Variants in ERAP2 observed in about 807,000 individuals in gnomAD.
The protein encoded by ERAP2 is leukocyte-derived arginine aminopeptidase.
Under a neutral mutation model 111.1 loss-of-function variants are expected in ERAP2, and 118 were observed. The observed-to-expected ratio is 1.06, with a 90% CI of 0.92 to 1.24. The LOEUF is 1.24. Among genes scored for constraint, ERAP2 ranks in the 50% most tolerant of loss-of-function variants. The probability of loss-of-function intolerance (pLI) is 0.00; values close to 1 mark genes in which losing one functional copy is unlikely to be tolerated. For synonymous variants in ERAP2, 410 were observed against 401.2 expected (o/e 1.02, Z -0.26); for missense variants, 1,131 against 1,125.8 (o/e 1.00, Z -0.07).
chr5:96,895,144 T>C (rs1465096414), intron 6 of ERAP2, 102 bp from the exon 7 acceptor site: 8 of 638,522 alleles, frequency 1.3e-5, no homozygotes, highest in African/African-American at 2.2e-5. Context: ...AGAAGAGAGA[T>C]CCTAACTAAT....
Position 96,895,357 on chromosome 5 carries a change from T to A in ERAP2, c.1237T>A (p.Phe413Ile), listed in dbSNP as rs932930616. 6.3e-7 allele frequency: 1 copy of A among 1,593,994 alleles called. No individual in the cohort carries two copies. Among genetic ancestry groups the A allele is most frequent in the Admixed American group, 1.7e-5 (1 of 59,540 alleles). The change falls in exon 7 of 19, where the codon TTT becomes ATT. Residue 413 changes from phenylalanine (F) to isoleucine (I), a missense_variant and splice_region_variant. Phe to Ile is a conservative substitution (Grantham distance 21, BLOSUM62 0). Transcript: ENST00000437043. The part of the protein sequence containing the change: ...AVNATYPELQ[F>I]DDYFLNVCFE... ...TAATGCTACATATCCAGAGCTGCAATTTGTAAGTTCACAATTCTGTGTATC... is the reference window on the plus strand; with the variant it reads ...TAATGCTACATATCCAGAGCTGCAAATTGTAAGTTCACAATTCTGTGTATC...
chr5:96,893,486 C>T (rs559243537), intron 6 of ERAP2, among the ~76,000 whole-genome samples: 8 of 152,188 alleles, frequency 5.3e-5, no homozygotes, highest in Non-Finnish European at 1.2e-4. Context: ...TCCCCACTGG[C>T]GCATTTTAGG....
In ERAP2 at chr5:96,896,828, G is replaced by A. The variant is rs755352590; in HGVS notation, c.1468G>A (p.Ala490Thr). The change falls in exon 9 of 19, where the codon GCT (alanine) becomes ACT (threonine). Residue 490 changes from alanine to threonine, a missense_variant. Around this residue, in one of 3 missense-constraint regions of ERAP2, gnomAD observed 847 missense variants for 856.5 expected, o/e 0.99. Coordinates refer to ENST00000437043, the MANE Select transcript of ERAP2 (RefSeq NM_022350.5). ...QYLKKFSYRN[A>T]KNDDLWSSLS... ...CTTAAAGAAGTTCAGCTATAGAAATGCTAAGAATGATGACTTGTGGAGCAG... is the reference window on the plus strand; with the variant it reads ...CTTAAAGAAGTTCAGCTATAGAAATACTAAGAATGATGACTTGTGGAGCAG... 3 of 1,238,464 alleles carry A rather than the reference G, an allele frequency of 2.4e-6. No homozygotes were observed. The highest frequency in any genetic ancestry group is 3.1e-6 in the Non-Finnish European group (3 of 968,142). The allele number at this position is 1,238,464 out of a possible 1,614,324, so 76.7% of individuals were successfully genotyped here.
intron 6 of ERAP2, among the ~76,000 whole-genome samples, chr5:96,894,547 T>A (rs182332455): frequency 6.6e-6 from 1 of 152,090 alleles, no homozygotes; most frequent in African/African-American, 2.4e-5. Flanking sequence ...AAATAAAACA[T>A]AAAAGCACAT....
Position 96,896,720 on chromosome 5 carries a change from T to C in ERAP2, c.1372-12T>C. 6.4e-7 allele frequency: 1 copy of C among 1,560,932 alleles called. No individual in the cohort carries two copies. Among genetic ancestry groups the C allele is most frequent in the Non-Finnish European group, 8.6e-7 (1 of 1,162,408 alleles). On this transcript the variant is annotated splice_polypyrimidine_tract_variant and intron_variant, in intron 8 of 18. Transcript: ENST00000437043. ...TTATCTCTTTTTTCAACTCTTTTGTTTTTTTTTAAAGGGAGCTTGTATTTT... is the reference window on the plus strand; with the variant it reads ...TTATCTCTTTTTTCAACTCTTTTGTCTTTTTTTAAAGGGAGCTTGTATTTT...
intron 1 of ERAP2, among the ~76,000 whole-genome samples, chr5:96,879,248 T>G (rs893445800): frequency 6.6e-6 from 1 of 152,148 alleles, no homozygotes; most frequent in Admixed American, 6.6e-5. Context: ...AAACAAAAAT[T>G]TAAAATATAA....
At chr5:96,887,303 CTTT>C (rs34313928) in intron 4 of ERAP2, among the ~76,000 whole-genome samples, 1 of 137,534 alleles carries the variant, frequency 7.3e-6, no homozygotes, top group Non-Finnish European at 1.5e-5. Context: ...TTGTTTCCGA[CTTT>C]TTTTTTTTTT....
At position 96,886,705 on chromosome 5, in the gene ERAP2, T is replaced by C. The variant is rs1783759144; in HGVS notation, c.765T>C (p.Thr255=). Residue 255 remains threonine, a synonymous_variant, in exon 4 of 19, where the codon ACT becomes ACC. Coordinates refer to ENST00000437043, the MANE Select transcript of ERAP2 (RefSeq NM_022350.5). ...GTCTTTTGGAAGATCACTTTGAAAC[T>C]ACTGTAAAAATGAGTACATACCTTG... ...EGGLLEDHFE[T]TVKMSTYLVA... 6.4e-7 allele frequency: 1 copy of C among 1,553,152 alleles called. No homozygotes were observed. The highest frequency in any genetic ancestry group is 1.3e-5 in the African/African-American group (1 of 74,120).
rs776209512 is a variant in ERAP2 at position 96,917,488 on chromosome 5, G to A, written c.2766G>A (p.Glu922=). The change falls in exon 19 of 19, where the codon GAG becomes GAA. Residue 922 remains glutamate, a synonymous_variant. Coordinates refer to ENST00000437043, the MANE Select transcript of ERAP2 (RefSeq NM_022350.5). The part of the protein sequence containing the change: ...QEVKLFFESL[E]AQGSHLDIFQ... ...TGAAACTATTTTTTGAATCTCTTGA[G>A]GCTCAAGGATCACATCTGGATATTT... is the stretch of plus-strand genomic sequence containing the variant. The A allele has an allele frequency of 1.9e-6, 3 of 1,611,232 alleles. No individual in the cohort carries two copies. In the South Asian group the frequency reaches 3.3e-5, roughly 18 times the overall value.
At chr5:96,894,964 C>A (rs1383262317) in intron 6 of ERAP2, among the ~76,000 whole-genome samples, 4 of 151,724 alleles carry the variant, frequency 2.6e-5, no homozygotes, top group Admixed American at 2.6e-4. Flanking sequence ...AATATTAAAT[C>A]TAATAACTAG....
Position 96,917,681 on chromosome 5 carries a change from C to T in ERAP2, c.*76C>T, listed in dbSNP as rs186611333. The T allele has an allele frequency of 4.0e-4, 495 of 1,229,534 alleles. 5 individuals are homozygous for T. The South Asian group carries it at 6.6e-3, about 17-fold the overall frequency. The allele number at this position is 1,229,534 out of a possible 1,614,324, so 76.2% of individuals were successfully genotyped here. On this transcript the variant is annotated 3_prime_UTR_variant, in exon 19 of 19. Coordinates refer to ENST00000437043, the MANE Select transcript of ERAP2 (RefSeq NM_022350.5). ...CAGCACTTTGGGAGGCTGAGAAGGG[C>T]GGATCACGAGGTCAGGAGATGGAGA...
chr5:96,894,906 G>T (rs1247856446), intron 6 of ERAP2, among the ~76,000 whole-genome samples: 1 of 151,944 alleles, frequency 6.6e-6, no homozygotes, highest in East Asian at 1.9e-4. Flanking sequence ...TTCTTATTGG[G>T]CAGGAAAGAA....
chr5:96,884,017 C>T (rs1783446178), intron 3 of ERAP2, 87 bp downstream of exon 3: 4 of 1,292,910 alleles, frequency 3.1e-6, no homozygotes, highest in Non-Finnish European at 4.2e-6. Flanking sequence ...TTCAGGATTT[C>T]AGCCATTAAT....
chr5:96,896,687 C>T (rs184317783), intron 8 of ERAP2, 45 bp from the exon 9 acceptor site: 1 of 1,522,956 alleles, frequency 6.6e-7, no homozygotes, highest in Non-Finnish European at 8.8e-7. Flanking sequence ...ACCATACTAC[C>T]ATTTTCTTTA....
rs1229133455 is a variant in ERAP2, at chr5:96,903,463, G to A, written c.1915G>A (p.Gly639Arg). Residue 639 changes from glycine (G) to arginine (R), a missense_variant, in exon 13 of 19, where the codon GGA (glycine) becomes AGA (arginine). Around this residue, in one of 3 missense-constraint regions of ERAP2, gnomAD observed 847 missense variants for 856.5 expected, o/e 0.99. Transcript: ENST00000437043. Reference protein sequence around the residue: ...GYYIVHYEGHGWDQLITQLNQ... With the variant: ...GYYIVHYEGHRWDQLITQLNQ... ...CTACATCGTTCACTATGAGGGTCAT[G>A]GATGGGACCAACTCATTACACAGCT... is the stretch of plus-strand genomic sequence containing the variant. 6.2e-7 allele frequency: 1 copy of A among 1,614,028 alleles called. No individual in the cohort carries two copies. The highest frequency in any genetic ancestry group is 2.2e-5 in the East Asian group (1 of 44,872).
At chr5:96,903,644 T>G in intron 13 of ERAP2, 84 bp downstream of exon 13, 1 of 1,268,490 alleles carries the variant, frequency 7.9e-7, no homozygotes, top group Non-Finnish European at 1.1e-6. Flanking sequence ...ATGTTCAACA[T>G]TGGTCATTGA....
chr5:96,913,497 A>T (rs1306823547), intron 17 of ERAP2, 40 bp downstream of exon 17: 1 of 1,608,144 alleles, frequency 6.2e-7, no homozygotes, highest in Non-Finnish European at 8.5e-7. Context: ...TCTTCCATGC[A>T]GATGTCTCAG....
At position 96,901,576 on chromosome 5, in the gene ERAP2, C is replaced by A. The variant is rs936525764; in HGVS notation, c.1643C>A (p.Pro548His). The A allele has an allele frequency of 6.2e-7, 1 of 1,614,080 alleles. No homozygotes were observed. The highest frequency in any genetic ancestry group is 8.5e-7 in the Non-Finnish European group (1 of 1,179,990). The part of the protein sequence containing the change: ...MTTWTLQKGI[P>H]LLVVKQDGCS... Reference sequence around the variant, plus strand: ...ACATGGACTCTCCAGAAAGGAATCCCCCTGCTGGTGGTTAAACAAGACGGG... The same window carrying A: ...ACATGGACTCTCCAGAAAGGAATCCACCTGCTGGTGGTTAAACAAGACGGG... Residue 548 changes from proline to histidine, a missense_variant, in exon 11 of 19, where the codon CCC (proline) becomes CAC (histidine). Physicochemically the swap from Pro to His is moderately conservative, Grantham distance 77 (BLOSUM62 -2). Transcript: ENST00000437043.
intron 1 of ERAP2, among the ~76,000 whole-genome samples, 185 bp from the exon 2 acceptor site, chr5:96,879,379 T>G (rs1782907199): frequency 6.6e-6 from 1 of 152,234 alleles, no homozygotes; most frequent in African/African-American, 2.4e-5. Flanking sequence ...GGGGGAGTCC[T>G]AAAGGGTTTT....
Sources: gnomAD v4.1 joint callset for allele counts (sites outside exome capture counted in the v4.1 genomes callset) on GRCh38, gnomAD v4.1.1 for gene constraint, gnomAD v4.1.1 regional missense constraint, MANE v1.5 for transcripts, NCBI Gene and HGNC (gene_info 2026-07-23, HGNC 2026-07-21) for gene names.